ILDR1: variants seen among roughly 807,000 people sequenced by gnomAD.
ILDR1 encodes the protein immunoglobulin like domain containing receptor 1.
ILDR1 carries 56 observed loss-of-function variants against 62.4 expected under a neutral mutation model. The observed-to-expected ratio is 0.90, with a 90% CI of 0.72 to 1.12. ILDR1 has a LOEUF of 1.12. Ranked by LOEUF, ILDR1 falls within the 50% of genes most tolerant of loss-of-function variation. ILDR1 has a pLI of 0.00. For missense variants in ILDR1, 736 were observed against 710.6 expected (o/e 1.04, Z -0.41); for synonymous variants, 284 against 277.8 (o/e 1.02, Z -0.22).
At chr3:122,045,441 G>T in the ILDR1 span, among the ~76,000 whole-genome samples, 1 of 152,152 alleles carries the variant, frequency 6.6e-6, no homozygotes, top group East Asian at 1.9e-4. Flanking sequence ...GGTCCACTTG[G>T]TGCAGAGCTG....
At chr3:122,052,098 CT>C in the ILDR1 span, among the ~76,000 whole-genome samples, 1 of 152,114 alleles carries the variant, frequency 6.6e-6, no homozygotes, top group Non-Finnish European at 1.5e-5. Flanking sequence ...TTTGGCAGCC[CT>C]TTGAAAAGCC....
chr3:122,021,688 T>C (rs1201925831), intron 1 of ILDR1, among the ~76,000 whole-genome samples: 1 of 152,042 alleles, frequency 6.6e-6, no homozygotes. Context: ...AAAAAGTAAT[T>C]AGGAATTTTA....
intron 1 of ILDR1, among the ~76,000 whole-genome samples, chr3:122,008,025 A>G (rs2071642309): frequency 6.6e-6 from 1 of 152,214 alleles, no homozygotes; most frequent in South Asian, 2.1e-4. Flanking sequence ...TTGCTCAAAT[A>G]CCAGTGCCCA....
chr3:122,047,562 C>T, the ILDR1 span, among the ~76,000 whole-genome samples: 848 of 152,278 alleles, frequency 5.6e-3, 2 homozygotes, highest in African/African-American at 0.02. Context: ...TAGCAGTCAG[C>T]GAGATTCCGT....
At chr3:122,060,079 A>G in the ILDR1 span, among the ~76,000 whole-genome samples, 2 of 152,318 alleles carry the variant, frequency 1.3e-5, no homozygotes, top group East Asian at 1.9e-4. Context: ...CAGCAAACTA[A>G]TACACTTGGT....
At chr3:122,030,724 C>T in the ILDR1 span, among the ~76,000 whole-genome samples, 1 of 151,724 alleles carries the variant, frequency 6.6e-6, no homozygotes, top group Non-Finnish European at 1.5e-5. Flanking sequence ...ATTATGAGGT[C>T]AGTCCACATA....
At chr3:122,052,458 G>C in the ILDR1 span, among the ~76,000 whole-genome samples, 1 of 151,800 alleles carries the variant, frequency 6.6e-6, no homozygotes, top group Non-Finnish European at 1.5e-5. Context: ...GTATTTTTTT[G>C]TTCTCAGTGT....
the ILDR1 span, among the ~76,000 whole-genome samples, chr3:122,029,779 C>T: frequency 6.6e-6 from 1 of 152,070 alleles, no homozygotes; most frequent in Non-Finnish European, 1.5e-5. Context: ...AAGACAAAAA[C>T]TAGTGACCTT....
Position 121,988,200 on chromosome 3 carries a change from C to T in ILDR1, c.*167G>A, listed in dbSNP as rs1207588772. The T allele has an allele frequency of 2.5e-5, 17 of 692,942 alleles. 1 individual carries two copies. In the Admixed American group the frequency reaches 3.4e-4, roughly 14 times the overall value. 42.9% of individuals were successfully genotyped at this position (692,942 alleles called of 1,614,324 possible). On this transcript the variant is annotated 3_prime_UTR_variant, in exon 8 of 8. Coordinates refer to ENST00000344209, the MANE Select transcript of ILDR1 (RefSeq NM_001199799.2). The stretch of plus-strand genomic sequence containing the variant: ...TGATTACAGGTGTGAGCCACTATAC[C>T]CAATCTCAAACTCTTGTATTTAAAA...
Position 122,006,990 on chromosome 3 carries a change from C to A in ILDR1, c.229+1G>T, listed in dbSNP as rs112272566. The A allele has an allele frequency of 1.9e-6, 3 of 1,611,752 alleles. No individual in the cohort carries two copies. The highest frequency in any genetic ancestry group is 2.5e-6 in the Non-Finnish European group (3 of 1,179,598). ...AGGGCCAAGGGGGTAAGGATACTCA[C>A]ACGCTGAGTAGTAGTCAAAGATAGG... is the stretch of plus-strand genomic sequence containing the variant. On this transcript the variant is annotated splice_donor_variant, in intron 2 of 7. Coordinates refer to ENST00000344209, the MANE Select transcript of ILDR1 (RefSeq NM_001199799.2). LOFTEE classifies it high-confidence loss of function.
In ILDR1 at chr3:122,002,185, G is replaced by C. The variant is rs2071538966; in HGVS notation, c.380-321C>G. Among the ~76,000 whole-genome samples the C allele has an allele frequency of 2.0e-5, 3 of 152,124 alleles. No homozygotes were observed. The South Asian group carries it at 6.2e-4, about 32-fold the overall frequency. On this transcript the variant is annotated intron_variant, in intron 3 of 7. Transcript: ENST00000344209. ...ATACTGTTTAAGTTGCCAGTATATG[G>C]GGCTTTTACTTACTCGCAATCAAAC...
At chr3:122,056,495 C>T in the ILDR1 span, among the ~76,000 whole-genome samples, 47 of 152,182 alleles carry the variant, frequency 3.1e-4, no homozygotes, top group African/African-American at 1.1e-3. Flanking sequence ...CCACCACGCC[C>T]GGCTAATTTT....
chr3:122,056,288 T>C, the ILDR1 span, among the ~76,000 whole-genome samples: 2 of 152,192 alleles, frequency 1.3e-5, no homozygotes, highest in African/African-American at 4.8e-5. Flanking sequence ...ACACCCGCCC[T>C]TCTCTTGGGT....
the ILDR1 span, among the ~76,000 whole-genome samples, chr3:122,042,858 T>G: frequency 6.6e-6 from 1 of 152,196 alleles, no homozygotes; most frequent in Non-Finnish European, 1.5e-5. Context: ...TTTCCCATTT[T>G]GTAGGTTGCC....
At chr3:122,001,492 T>C (rs2071524674) in intron 4 of ILDR1, 38 bp from the exon 5 acceptor site, 1 of 1,610,756 alleles carries the variant, frequency 6.2e-7, no homozygotes, top group South Asian at 1.1e-5. Context: ...GAACTAAATA[T>C]TCAGGGGGAG....
chr3:122,043,492 TA>T, the ILDR1 span, among the ~76,000 whole-genome samples: 14 of 136,272 alleles, frequency 1.0e-4, no homozygotes, highest in South Asian at 3.7e-3. Flanking sequence ...ATTGAATCTG[TA>T]AATTACCTTG....
the ILDR1 span, among the ~76,000 whole-genome samples, chr3:122,047,790 C>T: frequency 6.6e-6 from 1 of 152,260 alleles, no homozygotes; most frequent in Non-Finnish European, 1.5e-5. Flanking sequence ...AGTGCACGCA[C>T]CCACTGGCCT....
intron 5 of ILDR1, among the ~76,000 whole-genome samples, chr3:121,998,231 TCA>T (rs1374163540): frequency 6.6e-6 from 1 of 152,272 alleles, no homozygotes; most frequent in Non-Finnish European, 1.5e-5. Context: ...ACCAGCTTCA[TCA>T]CTCATCAGTG....
the ILDR1 span, among the ~76,000 whole-genome samples, chr3:122,054,293 C>T: frequency 6.6e-6 from 1 of 152,182 alleles, no homozygotes; most frequent in African/African-American, 2.4e-5. Flanking sequence ...CTGGTGTTTT[C>T]AGCCATGGCT....
Sources: gnomAD v4.1 joint callset for allele counts (sites outside exome capture counted in the v4.1 genomes callset) on GRCh38, gnomAD v4.1.1 for gene constraint, MANE v1.5 for transcripts, NCBI Gene and HGNC (gene_info 2026-07-23, HGNC 2026-07-21) for gene names.